The following ARHGEF11 variants were observed in gnomAD, a reference collection of about 807,000 sequenced individuals.
The protein encoded by ARHGEF11 is Rho guanine exchange factor (GEF) 11.
ARHGEF11 carries 55 observed loss-of-function variants against 193.7 expected under a neutral mutation model. The ratio of observed to expected loss-of-function variants is 0.28; its 90% CI spans 0.23 to 0.36. The LOEUF is 0.36. ARHGEF11 is among the 10% of genes least tolerant of loss of function. ARHGEF11 has a pLI of 1.00. For missense variants in ARHGEF11, 1,723 were observed against 2,005.6 expected (o/e 0.86, Z 2.69); for synonymous variants, 693 against 768.0 (o/e 0.90, Z 1.62).
intron 3 of ARHGEF11, among the ~76,000 whole-genome samples, chr1:156,983,629 G>T (rs559500245): frequency 4.6e-5 from 7 of 152,214 alleles, no homozygotes; most frequent in African/African-American, 1.4e-4. Context: ...ATACACAATT[G>T]GTAACTTGAT....
chr1:156,943,787 T>C (rs1657569881), intron 32 of ARHGEF11, 148 bp downstream of exon 32: 1 of 1,028,424 alleles, frequency 9.7e-7, no homozygotes. Flanking sequence ...GGGCCAGTCC[T>C]ACCACTTAGG....
chr1:156,994,629 G>A (rs1032650295), intron 1 of ARHGEF11, among the ~76,000 whole-genome samples: 3 of 152,160 alleles, frequency 2.0e-5, no homozygotes, highest in Non-Finnish European at 2.9e-5. Flanking sequence ...GTGTGGAGAA[G>A]GGAGGCAGAG....
chr1:157,030,670 C>T (rs1487350924), intron 1 of ARHGEF11, among the ~76,000 whole-genome samples: 1 of 151,956 alleles, frequency 6.6e-6, no homozygotes, highest in African/African-American at 2.4e-5. Flanking sequence ...TAGGTTAGGG[C>T]TCAGTAGGCA....
chr1:156,988,998 G>A (rs1665336451), intron 1 of ARHGEF11, among the ~76,000 whole-genome samples: 1 of 152,088 alleles, frequency 6.6e-6, no homozygotes, highest in Non-Finnish European at 1.5e-5. Flanking sequence ...AAAGGAGAGA[G>A]GAGGGTAGTT....
At chr1:156,998,815 C>T (rs775242507) in intron 1 of ARHGEF11, among the ~76,000 whole-genome samples, 3 of 152,306 alleles carry the variant, frequency 2.0e-5, no homozygotes, top group East Asian at 1.9e-4. Context: ...GCTTTTGTCA[C>T]GGAGTCCTCC....
intron 1 of ARHGEF11, among the ~76,000 whole-genome samples, chr1:156,992,344 C>T (rs1665860055): frequency 6.6e-6 from 1 of 152,204 alleles, no homozygotes; most frequent in South Asian, 2.1e-4. Flanking sequence ...CACATTCTCC[C>T]CTCCTCCAAG....
intron 1 of ARHGEF11, among the ~76,000 whole-genome samples, chr1:157,003,507 T>C (rs1041961289): frequency 1.3e-5 from 2 of 152,234 alleles, no homozygotes; most frequent in African/African-American, 4.8e-5. Context: ...TGCCAGATAG[T>C]ATCTCACTTA....
At chr1:156,960,513 G>T in intron 14 of ARHGEF11, 53 bp from the exon 15 acceptor site, 1 of 1,573,132 alleles carries the variant, frequency 6.4e-7, no homozygotes, top group Non-Finnish European at 8.7e-7. Flanking sequence ...ACTCCAGGGA[G>T]ATGAGCAGTG....
chr1:156,970,102 T>G, intron 8 of ARHGEF11, 59 bp from the exon 9 acceptor site: 3 of 1,492,764 alleles, frequency 2.0e-6, no homozygotes, highest in Non-Finnish European at 2.8e-6. Context: ...CCTACGGTTT[T>G]CTTTCACCAA....
intron 22 of ARHGEF11, 77 bp downstream of exon 22, chr1:156,951,496 G>A (rs1659091829): frequency 1.3e-6 from 2 of 1,571,258 alleles, no homozygotes; most frequent in Non-Finnish European, 1.7e-6. Flanking sequence ...TCAAGTAGCT[G>A]GAATTAAACC....
At chr1:156,960,567 C>T (rs993556570) in intron 14 of ARHGEF11, 107 bp from the exon 15 acceptor site, 28 of 968,104 alleles carry the variant, frequency 2.9e-5, no homozygotes, top group Non-Finnish European at 2.6e-5. Context: ...CTTGCCTTTT[C>T]GCCTACATCT....
At chr1:157,007,814 T>C (rs1668006918) in intron 1 of ARHGEF11, among the ~76,000 whole-genome samples, 2 of 152,118 alleles carry the variant, frequency 1.3e-5, no homozygotes, top group African/African-American at 4.8e-5. Context: ...TCTGTAACCA[T>C]ATTATCTAAT....
chr1:157,005,862 G>A (rs1000001667), intron 1 of ARHGEF11, among the ~76,000 whole-genome samples: 70 of 152,122 alleles, frequency 4.6e-4, no homozygotes, highest in African/African-American at 1.7e-3. Flanking sequence ...CCCTTTTCTA[G>A]GTATTCTTAG....
At chr1:156,963,101 A>G (rs1005789290) in intron 13 of ARHGEF11, 102 bp downstream of exon 13, 1 of 880,786 alleles carries the variant, frequency 1.1e-6, no homozygotes, top group Non-Finnish European at 1.8e-6. Context: ...GACTGTGCCC[A>G]TGGATCTGAC....
At position 156,979,261 on chromosome 1, in the gene ARHGEF11, C is replaced by T. The variant is rs1557894211; in HGVS notation, c.299G>A (p.Ser100Asn). ...IKVNGTMVTN[S>N]SHLEVVKLIK... ...CAGCTTTACCACTTCCAGGTGTGAGCTATTGGTCACCATGGTGCCGTTGAC... is the reference window on the plus strand; with the variant it reads ...CAGCTTTACCACTTCCAGGTGTGAGTTATTGGTCACCATGGTGCCGTTGAC... Residue 100 changes from serine (S) to asparagine (N), a missense_variant, in exon 5 of 41, where the codon AGC becomes AAC. Ser to Asn is a conservative substitution (Grantham distance 46). This residue lies in a region of ARHGEF11 where 646 missense variants were observed against 710.7 expected (regional missense o/e 0.91). Coordinates refer to ENST00000368194, the MANE Select transcript of ARHGEF11 (RefSeq NM_198236.3). The T allele has an allele frequency of 6.2e-7, 1 of 1,613,850 alleles. No homozygotes were observed. The highest frequency in any genetic ancestry group is 1.3e-5 in the African/African-American group (1 of 74,920).
In ARHGEF11 at chr1:156,958,776, C is replaced by T; in HGVS notation, c.1468G>A (p.Ala490Thr). The change falls in exon 17 of 41, where the codon GCT (alanine) becomes ACT (threonine). Residue 490 changes from alanine to threonine, a missense_variant. By Grantham distance (58) the Ala-to-Thr change is moderately conservative. Around this residue, in one of 5 missense-constraint regions of ARHGEF11, gnomAD observed 646 missense variants for 710.7 expected, o/e 0.91. Coordinates refer to ENST00000368194, the MANE Select transcript of ARHGEF11 (RefSeq NM_198236.3). Reference protein sequence around the residue: ...DGDPLRERQVAEKQLAALGDI... With the variant: ...DGDPLRERQVTEKQLAALGDI... The stretch of plus-strand genomic sequence containing the variant: ...CCAAGGGCAGCCAGCTGCTTCTCAG[C>T]CACTTGGCGCTCTCGGAGAGGGTCC... The T allele has an allele frequency of 6.2e-7, 1 of 1,614,180 alleles. No homozygotes were observed. The highest frequency in any genetic ancestry group is 8.5e-7 in the Non-Finnish European group (1 of 1,180,028).
chr1:157,006,274 C>T (rs1418553001), intron 1 of ARHGEF11, among the ~76,000 whole-genome samples: 1 of 152,106 alleles, frequency 6.6e-6, no homozygotes, highest in Non-Finnish European at 1.5e-5. Flanking sequence ...ACCTGGCCCA[C>T]ACATCACAAA....
intron 1 of ARHGEF11, among the ~76,000 whole-genome samples, chr1:157,018,514 G>A (rs1459381696): frequency 5.3e-5 from 8 of 151,938 alleles, no homozygotes; most frequent in South Asian, 4.2e-4. Context: ...GCGTGGTGTC[G>A]GGCGCCTGTA....
At chr1:156,999,853 C>T (rs1666996305) in intron 1 of ARHGEF11, among the ~76,000 whole-genome samples, 1 of 152,252 alleles carries the variant, frequency 6.6e-6, no homozygotes, top group African/African-American at 2.4e-5. Flanking sequence ...AGCCACACCA[C>T]TTCTCAGTCT....
Sources: allele counts gnomAD v4.1 joint callset (sites outside exome capture counted in the v4.1 genomes callset), GRCh38; gene constraint gnomAD v4.1.1; regional missense constraint gnomAD v4.1.1; transcripts MANE v1.5; gene names NCBI Gene and HGNC (gene_info 2026-07-23, HGNC 2026-07-21).